The following MEIS1 variants were observed in gnomAD, a reference collection of about 807,000 sequenced individuals.
MEIS1 encodes the protein homeobox protein Meis1.
In MEIS1, 5 loss-of-function variants were observed where a neutral mutation model predicts 50.8. The observed-to-expected ratio is 0.10, with a 90% CI of 0.05 to 0.21. MEIS1 has a LOEUF of 0.21. Among genes scored for constraint, MEIS1 ranks in the 10% least tolerant of loss-of-function variants. The probability of loss-of-function intolerance (pLI) is 1.00; values close to 1 mark genes in which losing one functional copy is unlikely to be tolerated. For missense variants in MEIS1, 318 were observed against 517.3 expected, an observed-to-expected ratio of 0.61 and a Z score of 3.74; for synonymous variants, 176 against 179.3, an observed-to-expected ratio of 0.98 and a Z score of 0.15.
Position 66,437,986 on chromosome 2 carries a change from T to C in MEIS1, c.239+23T>C, listed in dbSNP as rs1671843632. On this transcript the variant is annotated intron_variant, in intron 2 of 12. Transcript: ENST00000272369. ...TGGGTAGGTACAATGGGCAGCAGGT[T>C]AAGTAGTTGAGACTCAACGCTTCCC... 2.6e-6 allele frequency: 4 copies of C among 1,540,126 alleles called. No homozygotes were observed. The East Asian group carries it at 9.8e-5, about 38-fold the overall frequency.
chr2:66,483,616 G>GGAAGT (rs1296679202), intron 7 of MEIS1, among the ~76,000 whole-genome samples: 1 of 152,166 alleles, frequency 6.6e-6, no homozygotes, highest in Non-Finnish European at 1.5e-5. Context: ...GCAGTGATGA[G>GGAAGT]GAAGTGAATG....
intron 9 of MEIS1, among the ~76,000 whole-genome samples, chr2:66,566,122 G>T (rs2103971149): frequency 6.6e-6 from 1 of 152,230 alleles, no homozygotes; most frequent in South Asian, 2.1e-4. Flanking sequence ...TCATATACAA[G>T]AACTGATATA....
At position 66,512,314 on chromosome 2, in the gene MEIS1, C is replaced by T; in HGVS notation, c.888+20C>T. ...CTAACAGTAAGTGGATTCTAAATGA[C>T]ATATATAAACTAAATATGGACAATG... On this transcript the variant is annotated intron_variant, in intron 8 of 12. Coordinates refer to ENST00000272369, the MANE Select transcript of MEIS1 (RefSeq NM_002398.3). The T allele has an allele frequency of 6.2e-7, 1 of 1,601,846 alleles. No individual in the cohort carries two copies. The highest frequency in any genetic ancestry group is 8.5e-7 in the Non-Finnish European group (1 of 1,175,106).
intron 8 of MEIS1, among the ~76,000 whole-genome samples, chr2:66,528,233 G>A (rs1037751736): frequency 3.3e-5 from 5 of 152,134 alleles, no homozygotes; most frequent in Non-Finnish European, 5.9e-5. Context: ...AGAATTTGGG[G>A]GATTATTATT....
intron 8 of MEIS1, among the ~76,000 whole-genome samples, chr2:66,530,694 T>A (rs1367026673): frequency 6.8e-6 from 1 of 147,514 alleles, no homozygotes; most frequent in Non-Finnish European, 1.5e-5. Flanking sequence ...CCAGCCTGGG[T>A]GACAGAGCAA....
chr2:66,436,369 T>C (rs1319534801), intron 1 of MEIS1, among the ~76,000 whole-genome samples: 1 of 152,266 alleles, frequency 6.6e-6, no homozygotes, highest in Non-Finnish European at 1.5e-5. Flanking sequence ...TTTCAATTTG[T>C]ATAGACTTGT....
At chr2:66,455,500 T>G (rs1394651530) in intron 6 of MEIS1, among the ~76,000 whole-genome samples, 1 of 152,228 alleles carries the variant, frequency 6.6e-6, no homozygotes, top group Non-Finnish European at 1.5e-5. Flanking sequence ...AGACCTCTGC[T>G]TAGCATAGTT....
chr2:66,503,396 T>C (rs926068722), intron 7 of MEIS1, among the ~76,000 whole-genome samples: 1 of 152,172 alleles, frequency 6.6e-6, no homozygotes, highest in Non-Finnish European at 1.5e-5. Flanking sequence ...TCTGCCCTTT[T>C]AGGCTGCCCA....
intron 2 of MEIS1, chr2:66,438,945 G>A (rs1013929779): frequency 1.3e-5 from 2 of 152,024 alleles, no homozygotes; most frequent in African/African-American, 4.8e-5. Context: ...TTAGGCTCTG[G>A]GACAGAACAT....
At chr2:66,539,421 C>A (rs945973559) in intron 8 of MEIS1, among the ~76,000 whole-genome samples, 3 of 152,110 alleles carry the variant, frequency 2.0e-5, no homozygotes, top group African/African-American at 7.2e-5. Flanking sequence ...GATTAACTCA[C>A]CAGGAGTCAG....
intron 7 of MEIS1, among the ~76,000 whole-genome samples, chr2:66,502,136 A>T (rs2103831941): frequency 6.6e-6 from 1 of 152,298 alleles, no homozygotes; most frequent in East Asian, 1.9e-4. Flanking sequence ...TACAGCCTAG[A>T]TCTCTTACTT....
chr2:66,568,526 T>C, intron 10 of MEIS1, 141 bp from the exon 11 acceptor site: 3 of 338,202 alleles, frequency 8.9e-6, no homozygotes, highest in Non-Finnish European at 5.0e-6. Flanking sequence ...GAGAGAAATT[T>C]CACTTTGAAT....
intron 7 of MEIS1, among the ~76,000 whole-genome samples, chr2:66,474,478 G>T (rs1358972487): frequency 1.3e-5 from 2 of 152,120 alleles, no homozygotes; most frequent in Non-Finnish European, 2.9e-5. Flanking sequence ...TATCATGGGT[G>T]ATAGCACTAA....
intron 8 of MEIS1, among the ~76,000 whole-genome samples, chr2:66,533,521 G>A (rs1253519057): frequency 6.6e-6 from 1 of 152,014 alleles, no homozygotes; most frequent in African/African-American, 2.4e-5. Flanking sequence ...CTTTTATAGT[G>A]TCTTTTTTTA....
chr2:66,563,962 T>G (rs1675277862), intron 9 of MEIS1, among the ~76,000 whole-genome samples: 1 of 152,198 alleles, frequency 6.6e-6, no homozygotes, highest in Non-Finnish European at 1.5e-5. Flanking sequence ...ATTTTGCTAT[T>G]TACTTTGTTG....
chr2:66,481,012 A>AAC (rs1673002454), intron 7 of MEIS1, among the ~76,000 whole-genome samples: 2 of 151,646 alleles, frequency 1.3e-5, no homozygotes, highest in African/African-American at 4.8e-5. Flanking sequence ...AAAAAAAAAC[A>AAC]AAAAAACAAA....
At chr2:66,538,235 C>T (rs931508444) in intron 8 of MEIS1, among the ~76,000 whole-genome samples, 3 of 152,184 alleles carry the variant, frequency 2.0e-5, no homozygotes, top group Admixed American at 1.3e-4. Flanking sequence ...GTGCAATTGA[C>T]TACTTAGAGT....
intron 9 of MEIS1, 46 bp from the exon 10 acceptor site, chr2:66,567,406 CT>C (rs1487236544): frequency 6.3e-6 from 10 of 1,586,914 alleles, no homozygotes; most frequent in African/African-American, 1.3e-5. Context: ...TCAACCCCCC[CT>C]TTTATTTTTA....
At chr2:66,487,273 T>C (rs1465914589) in intron 7 of MEIS1, among the ~76,000 whole-genome samples, 2 of 152,180 alleles carry the variant, frequency 1.3e-5, no homozygotes, top group Non-Finnish European at 2.9e-5. Context: ...CGCAGAAAAA[T>C]AGAACAAGTT....
Sources: gnomAD v4.1 joint callset for allele counts (sites outside exome capture counted in the v4.1 genomes callset) on GRCh38, gnomAD v4.1.1 for gene constraint, MANE v1.5 for transcripts, NCBI Gene and HGNC (gene_info 2026-07-23, HGNC 2026-07-21) for gene names.